The following CHD9 variants were observed in gnomAD, a reference collection of about 807,000 sequenced individuals.
CHD9 encodes chromodomain helicase DNA binding protein 9, also known as ATP-dependent chromatin remodeler CHD9.
In CHD9, 77 loss-of-function variants were observed where a neutral mutation model predicts 316.1. The observed-to-expected ratio is 0.24, with a 90% CI of 0.20 to 0.29. CHD9 has a LOEUF of 0.29. CHD9 is among the 10% of genes least tolerant of loss of function. The pLI, the probability that CHD9 is intolerant of heterozygous loss-of-function variation, is 1.00. For synonymous variants in CHD9, 1,129 were observed against 1,158.3 expected (o/e 0.97, Z 0.51); for missense variants, 2,763 against 3,438.1 (o/e 0.80, Z 4.91).
rs779504156 is a variant in CHD9 at position 53,293,037 on chromosome 16, T to C, written c.5495T>C (p.Ile1832Thr). 6.2e-7 allele frequency: 1 copy of C among 1,612,880 alleles called. No individual in the cohort carries two copies. Among genetic ancestry groups the C allele is most frequent in the Non-Finnish European group, 8.5e-7 (1 of 1,179,310 alleles). Residue 1832 changes from isoleucine (I) to threonine (T), a missense_variant, in exon 29 of 39, where the codon ATA (isoleucine) becomes ACA (threonine). Ile to Thr is a moderately conservative substitution (Grantham distance 89). Transcript: ENST00000447540. ...ATLNPKMAAK[I>T]ERQQRWTRRE... ...CTTAATCCTAAAATGGCAGCCAAGA[T>C]AGAAAGACAGCAAAGGTAAGACAAT...
chr16:53,251,386 C>A lies in CHD9; in HGVS notation c.3861+1320C>A, dbSNP rs776495329. Among the ~76,000 whole-genome samples, 5 of 152,170 alleles carry A rather than the reference C, an allele frequency of 3.3e-5. No homozygotes were observed. In the South Asian group the frequency reaches 6.2e-4, roughly 19 times the overall value. ...AACCTGAAGAGAAAGTATCCTGAATCTCCCAATTTCTCCCTCTCACTTGTT... is the reference window on the plus strand; with the variant it reads ...AACCTGAAGAGAAAGTATCCTGAATATCCCAATTTCTCCCTCTCACTTGTT... On this transcript the variant is annotated intron_variant, in intron 17 of 38. Coordinates refer to ENST00000447540, the MANE Select transcript of CHD9 (RefSeq NM_001308319.2).
intron 2 of CHD9, among the ~76,000 whole-genome samples, chr16:53,172,662 A>G (rs577373666): frequency 6.6e-6 from 1 of 152,292 alleles, no homozygotes; most frequent in East Asian, 1.9e-4. Flanking sequence ...TTCGCTCCAC[A>G]TCGTTGTCAG....
At chr16:53,295,577 A>G (rs1039927344) in intron 29 of CHD9, among the ~76,000 whole-genome samples, 3 of 152,122 alleles carry the variant, frequency 2.0e-5, no homozygotes, top group African/African-American at 7.2e-5. Flanking sequence ...TCTCAGTTGT[A>G]TCTTCTTGGG....
In CHD9 at chr16:53,324,600, A is replaced by G. The variant is rs1400137550; in HGVS notation, c.8399A>G (p.Asn2800Ser). The part of the protein sequence containing the change: ...PLALNPLLLS[N>S]ILYPGMLLTP... ...GCTCTTAACCCACTATTACTATCTA[A>G]TATACTTTATCCAGGGATGCTTCTC... The change falls in exon 39 of 39, where the codon AAT (asparagine) becomes AGT (serine). Residue 2800 changes from asparagine to serine, a missense_variant. Asn to Ser is a conservative substitution (Grantham distance 46). Transcript: ENST00000447540. 1 of 1,613,634 alleles carries G rather than the reference A, an allele frequency of 6.2e-7. No individual in the cohort carries two copies. The highest frequency in any genetic ancestry group is 1.3e-5 in the African/African-American group (1 of 75,038).
intron 19 of CHD9, among the ~76,000 whole-genome samples, chr16:53,261,494 C>T (rs553565583): frequency 2.0e-5 from 3 of 151,624 alleles, no homozygotes; most frequent in Non-Finnish European, 2.9e-5. Flanking sequence ...CCACCTCAGC[C>T]TCCCAAGTAG....
chr16:53,182,637 A>C (rs1289317371), intron 2 of CHD9, among the ~76,000 whole-genome samples: 1 of 152,148 alleles, frequency 6.6e-6, no homozygotes, highest in African/African-American at 2.4e-5. Flanking sequence ...TAGATGAGCC[A>C]ATTTTTTTCC....
At chr16:53,055,710 A>C (rs1442165328) in intron 1 of CHD9, among the ~76,000 whole-genome samples, 3 of 151,998 alleles carry the variant, frequency 2.0e-5, no homozygotes, top group African/African-American at 4.8e-5. Flanking sequence ...CTCCTTTCTC[A>C]TGTGCCTTTT....
chr16:53,267,949 C>T lies in CHD9; in HGVS notation c.4540C>T (p.Leu1514=), dbSNP rs1181631991. ...VYGWGRWREI[L]SHGRFKRQLN... is the part of the protein sequence containing the mutation. ...CAGGTGGGGCCGATGGAGAGAGATTCTATCTCATGGCCGTTTCAAAAGGCA... is the reference window on the plus strand; with the variant it reads ...CAGGTGGGGCCGATGGAGAGAGATTTTATCTCATGGCCGTTTCAAAAGGCA... Residue 1514 remains leucine (L), a synonymous_variant, in exon 22 of 39, where the codon CTA becomes TTA. Transcript: ENST00000447540. 1.2e-6 allele frequency: 2 copies of T among 1,613,458 alleles called. No individual in the cohort carries two copies. The highest frequency in any genetic ancestry group is 3.3e-5 in the Admixed American group (2 of 59,954).
At chr16:53,201,200 A>G (rs997469853) in intron 2 of CHD9, among the ~76,000 whole-genome samples, 2 of 152,226 alleles carry the variant, frequency 1.3e-5, no homozygotes, top group African/African-American at 4.8e-5. Context: ...TTCAGCAAGT[A>G]GTGAACTTGG....
intron 2 of CHD9, among the ~76,000 whole-genome samples, chr16:53,188,015 A>T (rs78542270): frequency 1.2e-3 from 177 of 152,306 alleles, no homozygotes; most frequent in Non-Finnish European, 2.1e-3. Context: ...TATTCCTAAC[A>T]CCCTAACCCT....
intron 1 of CHD9, among the ~76,000 whole-genome samples, chr16:53,084,016 C>A (rs1418024785): frequency 6.6e-6 from 1 of 152,012 alleles, no homozygotes; most frequent in Admixed American, 6.6e-5. Flanking sequence ...TCTTAAAGTT[C>A]TGGGATTACA....
intron 24 of CHD9, among the ~76,000 whole-genome samples, chr16:53,284,321 A>G (rs1021510074): frequency 3.3e-5 from 5 of 151,732 alleles, no homozygotes; most frequent in Non-Finnish European, 7.4e-5. Flanking sequence ...ATCTCTATCC[A>G]TTGTCAAATA....
chr16:53,318,417 T>C (rs16952168), intron 37 of CHD9, 77 bp downstream of exon 37: 350,879 of 1,134,650 alleles, frequency 0.31, 56,081 homozygotes, highest in Middle Eastern at 0.38. Flanking sequence ...TTTCATTATG[T>C]GGTGGTGTTT....
intron 1 of CHD9, among the ~76,000 whole-genome samples, chr16:53,146,419 G>GTGTGTATATATATA (rs1555492145): frequency 7.8e-5 from 6 of 76,704 alleles, no homozygotes; most frequent in African/African-American, 3.5e-4. Flanking sequence ...GTGTGTGTAT[G>GTGTGTATATATATA]TATATATATA....
chr16:53,308,446 T>G (rs2056181869), intron 33 of CHD9, among the ~76,000 whole-genome samples: 2 of 152,216 alleles, frequency 1.3e-5, no homozygotes, highest in South Asian at 4.1e-4. Flanking sequence ...ACATCTTGTT[T>G]TGGTCAGAAA....
chr16:53,157,316 C>T lies in CHD9; in HGVS notation c.1227C>T (p.Leu409=). ...EPFTGLDPED[L]LQEGLLPHFD... ...TCACAGGACTTGACCCCGAGGACCT[C>T]CTTCAGGAGGGTCTTCTTCCTCACT... Residue 409 remains leucine (L), a synonymous_variant, in exon 2 of 39, where the codon CTC becomes CTT. Transcript: ENST00000447540. 1.2e-6 allele frequency: 2 copies of T among 1,613,474 alleles called. No individual in the cohort carries two copies. The highest frequency in any genetic ancestry group is 1.7e-6 in the Non-Finnish European group (2 of 1,179,640).
At chr16:53,127,940 CAAAAAAAAA>C (rs35806274) in intron 1 of CHD9, among the ~76,000 whole-genome samples, 11 of 78,232 alleles carry the variant, frequency 1.4e-4, no homozygotes, top group Non-Finnish European at 1.4e-4. Flanking sequence ...GAGACTCTGT[CAAAAAAAAA>C]AAAAAAAAAA....
At chr16:53,244,257 A>G (rs1318832063) in intron 13 of CHD9, among the ~76,000 whole-genome samples, 1 of 142,748 alleles carries the variant, frequency 7.0e-6, no homozygotes, top group Admixed American at 7.4e-5. Context: ...CAGTGGCATG[A>G]TCTCAGCTCA....
chr16:53,114,069 AACT>A (rs2038079627), intron 1 of CHD9, among the ~76,000 whole-genome samples: 1 of 151,634 alleles, frequency 6.6e-6, no homozygotes, highest in African/African-American at 2.4e-5. Flanking sequence ...AAAAATCAAT[AACT>A]ACTGTTTTTT....
Sources: gnomAD v4.1 joint callset for allele counts (sites outside exome capture counted in the v4.1 genomes callset) on GRCh38, gnomAD v4.1.1 for gene constraint, MANE v1.5 for transcripts, NCBI Gene and HGNC (gene_info 2026-07-23, HGNC 2026-07-21) for gene names.